The following MYO9B variants were observed in gnomAD, a reference collection of about 807,000 sequenced individuals.
The protein encoded by MYO9B is unconventional myosin-IXb.
In MYO9B, 71 loss-of-function variants were observed where a neutral mutation model predicts 229.5. The observed-to-expected ratio is 0.31, with a 90% confidence interval of 0.26 to 0.38. MYO9B has a LOEUF of 0.38. Among genes scored for constraint, MYO9B ranks in the 10% least tolerant of loss-of-function variants. MYO9B has a pLI of 1.00. For missense variants in MYO9B, 2,255 were observed against 2,920.5 expected (o/e 0.77, Z 5.25); for synonymous variants, 1,185 against 1,235.8 (o/e 0.96, Z 0.86).
At chr19:17,113,766 C>T (rs903289590) in intron 2 of MYO9B, among the ~76,000 whole-genome samples, 3 of 152,082 alleles carry the variant, frequency 2.0e-5, no homozygotes, top group Non-Finnish European at 4.4e-5. Context: ...GGCCCTGGGT[C>T]TGCAGAGCAG....
chr19:17,199,699 TC>T (rs149362204), intron 24 of MYO9B, among the ~76,000 whole-genome samples: 53,545 of 121,350 alleles, frequency 0.44, 9,050 homozygotes, highest in East Asian at 0.69. Context: ...TCTTTTTTTT[TC>T]TTTTTTTTTT....
At chr19:17,138,986 C>T (rs891717341) in intron 2 of MYO9B, among the ~76,000 whole-genome samples, 1 of 151,850 alleles carries the variant, frequency 6.6e-6, no homozygotes, top group African/African-American at 2.4e-5. Context: ...AGCCTGGCCC[C>T]GAACTCTGGT....
At chr19:17,098,643 A>G (rs2145009747) in intron 1 of MYO9B, among the ~76,000 whole-genome samples, 1 of 152,206 alleles carries the variant, frequency 6.6e-6, no homozygotes, top group South Asian at 2.1e-4. Flanking sequence ...TTAGGAATAA[A>G]CTTGGCCGGG....
At position 17,212,304 on chromosome 19, in the gene MYO9B, T is replaced by C. The variant is rs1338101470; in HGVS notation, c.6468T>C (p.Asn2156=). 1 of 1,497,388 alleles carries C rather than the reference T, an allele frequency of 6.7e-7. No individual in the cohort carries two copies. Among genetic ancestry groups the C allele is most frequent in the East Asian group, 2.4e-5 (1 of 41,598 alleles). The allele number at this position is 1,497,388 out of a possible 1,614,324, so 92.8% of individuals were successfully genotyped here. A position where few individuals can be genotyped will look rare whatever the true frequency, so the allele number is the denominator to read the frequency against. Residue 2156 remains asparagine (N), a synonymous_variant, in exon 40 of 40, where the codon AAT becomes AAC. Transcript: ENST00000682292. The surrounding 1 kb of genome is among the most constrained non-coding windows in gnomAD (Gnocchi z 5.4). ...TGCCCCCCGCCTCGGGCCAGACCAA[T>C]GGCTGAGAGCCACAGCTGACAAAGT... is the stretch of plus-strand genomic sequence containing the variant. The part of the protein sequence containing the change: ...YCLPPASGQT[N]G
At chr19:17,079,113 C>T (rs530472908) in intron 1 of MYO9B, among the ~76,000 whole-genome samples, 7 of 152,298 alleles carry the variant, frequency 4.6e-5, no homozygotes, top group Non-Finnish European at 8.8e-5. Flanking sequence ...GGCCACGTGT[C>T]CCCTGGGGGC....
At chr19:17,091,801 G>A (rs568098434) in intron 1 of MYO9B, among the ~76,000 whole-genome samples, 2 of 152,268 alleles carry the variant, frequency 1.3e-5, no homozygotes, top group African/African-American at 4.8e-5. Context: ...CTCAGCAGCC[G>A]CCTTGAGCAA....
chr19:17,152,737 A>G (rs760981442), intron 4 of MYO9B, 31 bp downstream of exon 4: 1 of 1,560,202 alleles, frequency 6.4e-7, no homozygotes, highest in African/African-American at 1.4e-5. Flanking sequence ...GAATCTCTGA[A>G]TGCCACGCCA....
intron 10 of MYO9B, among the ~76,000 whole-genome samples, chr19:17,167,473 A>ATTTTTT (rs36062777): frequency 8.5e-6 from 1 of 117,396 alleles, no homozygotes; most frequent in Non-Finnish European, 1.7e-5. Flanking sequence ...TATTAGAGCT[A>ATTTTTT]TTTTTTTTTT....
At chr19:17,139,319 C>T (rs2072308760) in intron 2 of MYO9B, among the ~76,000 whole-genome samples, 2 of 152,220 alleles carry the variant, frequency 1.3e-5, no homozygotes, top group African/African-American at 4.8e-5. Flanking sequence ...CCTGGTGGCT[C>T]ATTCCTGTAA....
chr19:17,183,184 A>T (rs2072880472), intron 15 of MYO9B, among the ~76,000 whole-genome samples: 1 of 152,140 alleles, frequency 6.6e-6, no homozygotes, highest in African/African-American at 2.4e-5. Context: ...AGCCTCCCAA[A>T]GTGCTGGGAT....
At chr19:17,120,429 G>A (rs1193447242) in intron 2 of MYO9B, among the ~76,000 whole-genome samples, 3 of 152,070 alleles carry the variant, frequency 2.0e-5, no homozygotes, top group Non-Finnish European at 2.9e-5. Context: ...GATTGCTTGA[G>A]GCCAGGAGTT....
chr19:17,205,083 G>A (rs556838673), intron 30 of MYO9B, among the ~76,000 whole-genome samples, 180 bp from the exon 31 acceptor site: 21 of 151,998 alleles, frequency 1.4e-4, no homozygotes, highest in Admixed American at 1.1e-3. Flanking sequence ...CCCGGGAGGC[G>A]GAGGTTGCAG....
chr19:17,076,370 G>C (rs758139616), intron 1 of MYO9B, among the ~76,000 whole-genome samples: 2 of 152,076 alleles, frequency 1.3e-5, no homozygotes, highest in Non-Finnish European at 2.9e-5. Context: ...TGGGCGCTCA[G>C]TAAATGCGGG....
At chr19:17,094,584 C>T (rs2057670730) in intron 1 of MYO9B, among the ~76,000 whole-genome samples, 1 of 152,180 alleles carries the variant, frequency 6.6e-6, no homozygotes, top group South Asian at 2.1e-4. Flanking sequence ...TGGAATCATA[C>T]AGTATAGGCT....
intron 2 of MYO9B, among the ~76,000 whole-genome samples, chr19:17,125,680 G>C (rs991787507): frequency 6.6e-6 from 1 of 152,112 alleles, no homozygotes; most frequent in African/African-American, 2.4e-5. Flanking sequence ...CTGACAGTTG[G>C]TGTCTCTTGT....
chr19:17,169,200 C>T (rs937503317), intron 11 of MYO9B, among the ~76,000 whole-genome samples: 87 of 151,796 alleles, frequency 5.7e-4, no homozygotes, highest in African/African-American at 2.1e-3. Flanking sequence ...GGTGAAGCCC[C>T]GTCTCTACTG....
chr19:17,197,936 C>A (rs2073064389), intron 23 of MYO9B, 78 bp downstream of exon 23: 1 of 1,540,318 alleles, frequency 6.5e-7, no homozygotes, highest in Non-Finnish European at 8.9e-7. Flanking sequence ...TGCCTGTAAC[C>A]CCAGCTACTC....
At chr19:17,201,647 C>T (rs1052455755) in intron 26 of MYO9B, among the ~76,000 whole-genome samples, 3 of 152,028 alleles carry the variant, frequency 2.0e-5, no homozygotes, top group Non-Finnish European at 4.4e-5. Context: ...CAGGGGAGGG[C>T]GCTGTTGGCA....
At chr19:17,104,232 G>A (rs536996994) in intron 2 of MYO9B, among the ~76,000 whole-genome samples, 2 of 152,250 alleles carry the variant, frequency 1.3e-5, no homozygotes, top group African/African-American at 4.8e-5. Context: ...AAGGCGTACG[G>A]CAGGCCTGGG....
Sources: gnomAD v4.1 joint callset for allele counts (sites outside exome capture counted in the v4.1 genomes callset) on GRCh38, gnomAD v4.1.1 for gene constraint, Gnocchi (gnomAD v3.1) non-coding constraint, MANE v1.5 for transcripts, NCBI Gene and HGNC (gene_info 2026-07-23, HGNC 2026-07-21) for gene names.